Variants in MAGI1 observed in about 807,000 individuals in gnomAD.
MAGI1 encodes the protein membrane-associated guanylate kinase, WW and PDZ domain-containing protein 1.
MAGI1 carries 58 observed loss-of-function variants against 139.9 expected under a neutral mutation model. That is an observed-to-expected ratio of 0.41 (90% CI 0.34 to 0.52). The LOEUF is 0.52. Among genes scored for constraint, MAGI1 ranks in the 20% least tolerant of loss-of-function variants. The probability of loss-of-function intolerance (pLI) is 0.12; values close to 1 mark genes in which losing one functional copy is unlikely to be tolerated. For missense variants in MAGI1, 1,874 were observed against 1,901.6 expected (o/e 0.99, Z 0.27); for synonymous variants, 812 against 737.9 (o/e 1.10, Z -1.63).
chr3:65,803,771 C>G (rs2040666107), intron 1 of MAGI1, among the ~76,000 whole-genome samples: 2 of 152,178 alleles, frequency 1.3e-5, no homozygotes, highest in Admixed American at 6.6e-5. Context: ...CATCATTTAG[C>G]TCCCACTTAC....
intron 2 of MAGI1, among the ~76,000 whole-genome samples, chr3:65,581,648 A>G (rs1370561341): frequency 1.3e-5 from 2 of 151,658 alleles, no homozygotes; most frequent in African/African-American, 4.8e-5. Flanking sequence ...AATACTCTCC[A>G]CTCTATCTCT....
chr3:65,554,121 A>G (rs1274263791), intron 2 of MAGI1, among the ~76,000 whole-genome samples: 1 of 152,238 alleles, frequency 6.6e-6, no homozygotes, highest in East Asian at 1.9e-4. Context: ...CTTTCTACAT[A>G]AAAAGGGTAA....
intron 1 of MAGI1, among the ~76,000 whole-genome samples, chr3:65,871,916 G>T (rs532346326): frequency 2.0e-5 from 3 of 152,244 alleles, no homozygotes; most frequent in African/African-American, 7.2e-5. Context: ...GCCTGGGTCG[G>T]TAACAGTTCT....
chr3:66,016,701 G>A (rs560948072), intron 1 of MAGI1, among the ~76,000 whole-genome samples: 51 of 152,284 alleles, frequency 3.3e-4, no homozygotes, highest in Admixed American at 8.5e-4. Flanking sequence ...CTGCTTCCAA[G>A]GGGAGTGGGA....
intron 1 of MAGI1, among the ~76,000 whole-genome samples, chr3:65,728,963 A>G (rs1576912372): frequency 6.6e-6 from 1 of 152,294 alleles, no homozygotes; most frequent in Non-Finnish European, 1.5e-5. Flanking sequence ...AACTCTTGAG[A>G]TTAAATAGGA....
intron 2 of MAGI1, among the ~76,000 whole-genome samples, chr3:65,526,124 G>C (rs977431747): frequency 6.6e-6 from 1 of 152,200 alleles, no homozygotes; most frequent in African/African-American, 2.4e-5. Flanking sequence ...TTGCAAGTGA[G>C]AAATATTTAT....
intron 7 of MAGI1, 134 bp downstream of exon 7, chr3:65,447,888 T>A (rs937475299): frequency 2.6e-5 from 27 of 1,037,580 alleles, no homozygotes; most frequent in Middle Eastern, 2.0e-4. Flanking sequence ...CTTTCCTGGA[T>A]AAGCTAGAAT....
At chr3:65,503,244 C>A (rs893414434) in intron 2 of MAGI1, among the ~76,000 whole-genome samples, 16 of 152,154 alleles carry the variant, frequency 1.1e-4, no homozygotes, top group Non-Finnish European at 4.4e-5. Context: ...CCCTATAACA[C>A]ATTATAAAAT....
chr3:66,002,101 C>CA (rs1198157990), intron 1 of MAGI1, among the ~76,000 whole-genome samples: 1 of 152,120 alleles, frequency 6.6e-6, no homozygotes, highest in Non-Finnish European at 1.5e-5. Flanking sequence ...ATGCCAAGCA[C>CA]AAAAATCTCT....
intron 2 of MAGI1, among the ~76,000 whole-genome samples, chr3:65,497,619 T>C (rs1214129052): frequency 6.6e-6 from 1 of 152,186 alleles, no homozygotes; most frequent in Admixed American, 6.5e-5. Context: ...AAAAAATCTG[T>C]TGAGTTTCAT....
At chr3:65,967,759 A>T (rs2064826872) in intron 1 of MAGI1, among the ~76,000 whole-genome samples, 1 of 152,254 alleles carries the variant, frequency 6.6e-6, no homozygotes, top group Non-Finnish European at 1.5e-5. Context: ...CAAGCACCCA[A>T]GGCAAGTTAA....
intron 1 of MAGI1, among the ~76,000 whole-genome samples, chr3:65,664,641 T>C (rs9833764): frequency 0.051 from 7,803 of 152,248 alleles, 681 homozygotes; most frequent in African/African-American, 0.18. Flanking sequence ...CTGAATTTTA[T>C]TTGAAACCTC....
chr3:65,692,734 G>A (rs927621376), intron 1 of MAGI1, among the ~76,000 whole-genome samples: 8 of 152,124 alleles, frequency 5.3e-5, no homozygotes, highest in Non-Finnish European at 1.0e-4. Context: ...GTTATCGAGG[G>A]AGTGGGTGAG....
chr3:65,449,159 G>T (rs1948861331), intron 6 of MAGI1, among the ~76,000 whole-genome samples: 1 of 151,476 alleles, frequency 6.6e-6, no homozygotes, highest in African/African-American at 2.4e-5. Flanking sequence ...AGCATTAGGA[G>T]AAATACCTAA....
At chr3:65,530,667 A>ATACATATATATATACGTG (rs2078622858) in intron 2 of MAGI1, among the ~76,000 whole-genome samples, 2 of 138,384 alleles carry the variant, frequency 1.4e-5, no homozygotes, top group African/African-American at 5.5e-5. Context: ...GTGTGTATAT[A>ATACATATATATATACGTG]TATATACATA....
intron 1 of MAGI1, among the ~76,000 whole-genome samples, chr3:65,810,350 A>T (rs2041147108): frequency 6.6e-6 from 1 of 152,162 alleles, no homozygotes; most frequent in African/African-American, 2.4e-5. Flanking sequence ...CATACACCCA[A>T]ACGGCTCATG....
At chr3:65,506,761 C>T (rs1287571101) in intron 2 of MAGI1, among the ~76,000 whole-genome samples, 1 of 151,990 alleles carries the variant, frequency 6.6e-6, no homozygotes, top group East Asian at 1.9e-4. Context: ...TCAAAGCCTT[C>T]TATAATTAAA....
intron 1 of MAGI1, among the ~76,000 whole-genome samples, chr3:65,717,945 G>C (rs192062152): frequency 6.6e-6 from 1 of 152,270 alleles, no homozygotes; most frequent in Non-Finnish European, 1.5e-5. Context: ...AACAACATAA[G>C]AAAGATTTTT....
intron 1 of MAGI1, among the ~76,000 whole-genome samples, chr3:65,943,758 T>G (rs1188581941): frequency 1.3e-5 from 2 of 152,178 alleles, no homozygotes; most frequent in Non-Finnish European, 2.9e-5. Flanking sequence ...CTGCTTTAGA[T>G]GAGTATTCCA....
Sources: allele counts gnomAD v4.1 joint callset (sites outside exome capture counted in the v4.1 genomes callset), GRCh38; gene constraint gnomAD v4.1.1; transcripts MANE v1.5; gene names NCBI Gene and HGNC (gene_info 2026-07-23, HGNC 2026-07-21).